GTPBP1: variants seen among roughly 807,000 people sequenced by gnomAD.
The protein encoded by GTPBP1 is GTP binding protein 1.
In GTPBP1, 23 loss-of-function variants were observed where a neutral mutation model predicts 62.0. The observed-to-expected ratio is 0.37, with a 90% CI of 0.27 to 0.53. The LOEUF (loss-of-function observed/expected upper bound fraction) is 0.53, where lower values mean the gene tolerates loss of function less well. GTPBP1 is among the 20% of genes least tolerant of loss of function. The pLI, the probability that GTPBP1 is intolerant of heterozygous loss-of-function variation, is 0.89. For synonymous variants in GTPBP1, 344 were observed against 364.4 expected (o/e 0.94, Z 0.64); for missense variants, 640 against 917.3 (o/e 0.70, Z 3.90).
chr22:38,741,012 C>G (rs1459550986), downstream of GTPBP1: 5 of 1,594,938 alleles, frequency 3.1e-6, no homozygotes, highest in Admixed American at 5.2e-5. Context: ...AGTACCTTTG[C>G]CACTCTGACT....
chr22:38,730,895 C>T lies in GTPBP1; in HGVS notation c.*191C>T, dbSNP rs560502226. On this transcript the variant is annotated 3_prime_UTR_variant, in exon 12 of 12. Transcript: ENST00000216044. The surrounding 1 kb of genome is among the most constrained non-coding windows in gnomAD (Gnocchi z 5.6). ...AAGCTGACGAAGGTAGCCAGACTTC[C>T]GGAGGACTGACCATCTCTCACTGTC... The T allele has an allele frequency of 2.8e-4, 157 of 557,266 alleles. No individual in the cohort carries two copies. Among genetic ancestry groups the T allele is most frequent in the African/African-American group, 2.7e-3 (137 of 51,482 alleles). 34.5% of individuals were successfully genotyped at this position (557,266 alleles called of 1,614,324 possible).
Position 38,731,009 on chromosome 22 carries a change from ATTGT to A in GTPBP1, c.*306_*309del. 4.6e-6 allele frequency: 1 copy of A among 216,292 alleles called. No individual in the cohort carries two copies. The highest frequency in any genetic ancestry group is 7.7e-6 in the Non-Finnish European group (1 of 129,204). The allele number at this position is 216,292 out of a possible 1,614,324, so 13.4% of individuals were successfully genotyped here. ...TTATTATATGTCTCTGTCTCTCTCTATTGTGTGTGTGTGTGTGTGTGTGTGTGTG... is the reference window on the plus strand; with the variant it reads ...TTATTATATGTCTCTGTCTCTCTCTAGTGTGTGTGTGTGTGTGTGTGTGTG... On this transcript the variant is annotated 3_prime_UTR_variant, in exon 12 of 12. Coordinates refer to ENST00000216044, the MANE Select transcript of GTPBP1 (RefSeq NM_004286.5).
intron 4 of GTPBP1, among the ~76,000 whole-genome samples, chr22:38,719,769 T>A (rs2092689692): frequency 1.3e-5 from 2 of 151,800 alleles, no homozygotes; most frequent in Non-Finnish European, 2.9e-5. Flanking sequence ...TCTCCTACTG[T>A]TTTTACAATC....
At chr22:38,736,504 C>T, downstream of GTPBP1, 1 of 710,236 alleles carries the variant, frequency 1.4e-6, no homozygotes, top group South Asian at 2.1e-5. Context: ...CCCTGGGGCT[C>T]TGAAGAGAAC....
intron 2 of GTPBP1, among the ~76,000 whole-genome samples, chr22:38,713,251 A>C (rs989347389): frequency 2.0e-5 from 3 of 152,172 alleles, no homozygotes; most frequent in Admixed American, 2.0e-4. Context: ...GACAGAGCTT[A>C]CAAGAAGAAA....
At chr22:38,715,181 A>C (rs1048288381) in intron 2 of GTPBP1, among the ~76,000 whole-genome samples, 2 of 152,068 alleles carry the variant, frequency 1.3e-5, no homozygotes, top group African/African-American at 4.8e-5. Context: ...ACTGCTACTC[A>C]GGAGATCTTT....
chr22:38,715,832 G>A (rs1281104757), intron 2 of GTPBP1, 75 bp from the exon 3 acceptor site: 23 of 1,282,792 alleles, frequency 1.8e-5, no homozygotes, highest in Admixed American at 1.1e-4. Context: ...GTTAGGTGGG[G>A]TTCCTGGCTG....
At chr22:38,736,743 G>A (rs138703), downstream of GTPBP1, 79,336 of 180,478 alleles carry the variant, frequency 0.44, 19,526 homozygotes, top group African/African-American at 0.7. Flanking sequence ...TCTAGCCACA[G>A]TGTTGGGAAT....
chr22:38,738,782 C>T, downstream of GTPBP1: 1 of 1,609,738 alleles, frequency 6.2e-7, no homozygotes, highest in Admixed American at 1.7e-5. This position sits in a 1 kb window ranked among gnomAD's most constrained non-coding sequence, Gnocchi z 6.6. Context: ...CATGTCAGGA[C>T]AGGGCCCTGA....
chr22:38,716,353 G>T lies in GTPBP1; in HGVS notation c.485+266G>T. 1.7e-6 allele frequency: 1 copy of T among 585,094 alleles called. No individual in the cohort carries two copies. Among genetic ancestry groups the T allele is most frequent in the South Asian group, 2.1e-5 (1 of 47,478 alleles). The allele number at this position is 585,094 out of a possible 1,614,324, so 36.2% of individuals were successfully genotyped here. ...TTCAGCCTGTGAGCCTGGAAACCAG[G>T]GTCATGGAGAAGAGCCTTTTGTGCC... On this transcript the variant is annotated intron_variant, in intron 3 of 11. Coordinates refer to ENST00000216044, the MANE Select transcript of GTPBP1 (RefSeq NM_004286.5). The surrounding 1 kb of genome is among the most constrained non-coding windows in gnomAD (Gnocchi z 5.2).
chr22:38,723,382 T>C, intron 5 of GTPBP1: 1 of 873,960 alleles, frequency 1.1e-6, no homozygotes. Context: ...ATAATATGTT[T>C]GTCAAGCTCG....
At chr22:38,728,224 C>A in intron 10 of GTPBP1, 63 bp downstream of exon 10, 1 of 1,198,646 alleles carries the variant, frequency 8.3e-7, no homozygotes, top group Non-Finnish European at 1.2e-6. Flanking sequence ...TGTTCTGTGA[C>A]CCTGAGTGCA....
chr22:38,740,480 G>T (rs1324211045), downstream of GTPBP1: 3 of 1,420,298 alleles, frequency 2.1e-6, no homozygotes, highest in African/African-American at 2.9e-5. This position sits in a 1 kb window ranked among gnomAD's most constrained non-coding sequence, Gnocchi z 4.8. Flanking sequence ...TTGGTGGGAG[G>T]TAAGGCCACA....
chr22:38,713,500 A>G, intron 2 of GTPBP1, among the ~76,000 whole-genome samples: 1 of 152,202 alleles, frequency 6.6e-6, no homozygotes, highest in East Asian at 1.9e-4. Context: ...CAAAAAGGGC[A>G]GACATCAGGG....
At chr22:38,741,163 C>G, downstream of GTPBP1, 1 of 1,181,656 alleles carries the variant, frequency 8.5e-7, no homozygotes, top group Non-Finnish European at 1.2e-6. Flanking sequence ...TGCCCAAGGT[C>G]TCTTGACCCC....
intron 4 of GTPBP1, among the ~76,000 whole-genome samples, chr22:38,721,427 G>C (rs1301647278): frequency 6.6e-6 from 1 of 152,034 alleles, no homozygotes; most frequent in Non-Finnish European, 1.5e-5. Flanking sequence ...AGGTTGTCCT[G>C]CCTGGTCTCA....
chr22:38,711,030 G>T (rs536455822), intron 2 of GTPBP1, among the ~76,000 whole-genome samples: 1 of 152,236 alleles, frequency 6.6e-6, no homozygotes, highest in African/African-American at 2.4e-5. Flanking sequence ...CCTCCTGCTG[G>T]AATTCTTTAC....
downstream of GTPBP1, chr22:38,739,384 C>T: frequency 1.2e-6 from 2 of 1,613,184 alleles, no homozygotes; most frequent in South Asian, 2.2e-5. This position sits in a 1 kb window ranked among gnomAD's most constrained non-coding sequence, Gnocchi z 6.7. Context: ...ATGCGGTCCT[C>T]ACTGTAGCGC....
chr22:38,741,364 C>T, downstream of GTPBP1: 1 of 945,984 alleles, frequency 1.1e-6, no homozygotes, highest in African/African-American at 1.6e-5. Flanking sequence ...ACAGAGAAGT[C>T]AGAGGAGGGC....
Sources: gnomAD v4.1 joint callset for allele counts (sites outside exome capture counted in the v4.1 genomes callset) on GRCh38, gnomAD v4.1.1 for gene constraint, Gnocchi (gnomAD v3.1) non-coding constraint, MANE v1.5 for transcripts, NCBI Gene and HGNC (gene_info 2026-07-23, HGNC 2026-07-21) for gene names.